Variants in GNAO1 observed in about 807,000 individuals in gnomAD.
The protein encoded by GNAO1 is guanine nucleotide-binding protein G(o) subunit alpha.
For missense variants in GNAO1, 166 were observed against 478.7 expected (o/e 0.35, Z 6.10); for synonymous variants, 164 against 180.7 (o/e 0.91, Z 0.74).
Position 56,355,020 on chromosome 16 carries a change from T to C in GNAO1, c.1032T>C (p.Ile344=), listed in dbSNP as rs2037954725. 6.2e-7 allele frequency: 1 copy of C among 1,613,446 alleles called. No individual in the cohort carries two copies. Among genetic ancestry groups the C allele is most frequent in the African/African-American group, 1.3e-5 (1 of 74,790 alleles). The change falls in exon 8 of 9, where the codon ATT becomes ATC. Residue 344 remains isoleucine, a synonymous_variant. Transcript: ENST00000262493. ...TCGACGCCGTCACCGACATCATCAT[T>C]GCCAACAACCTCCGGGGCTGCGGCT... is the stretch of plus-strand genomic sequence containing the variant. ...VVFDAVTDII[I]ANNLRGCGLY is the part of the protein sequence containing the mutation.
intron 2 of GNAO1, among the ~76,000 whole-genome samples, chr16:56,205,355 A>G (rs548349115): frequency 6.6e-6 from 1 of 152,234 alleles, no homozygotes; most frequent in Admixed American, 6.5e-5. Context: ...AGCTCCAGCC[A>G]GGGCAGACAA....
intron 3 of GNAO1, among the ~76,000 whole-genome samples, chr16:56,305,463 A>G (rs1305933980): frequency 6.6e-6 from 1 of 152,182 alleles, no homozygotes; most frequent in Non-Finnish European, 1.5e-5. Flanking sequence ...GACTGGAAAA[A>G]TAAGAAGGAG....
intron 4 of GNAO1, among the ~76,000 whole-genome samples, chr16:56,332,573 C>T (rs923912799): frequency 1.3e-5 from 2 of 152,216 alleles, no homozygotes; most frequent in East Asian, 3.8e-4. Context: ...GAACACAGGC[C>T]CTGGGAAGGT....
chr16:56,225,823 C>T (rs1165609546), intron 2 of GNAO1, among the ~76,000 whole-genome samples: 4 of 151,970 alleles, frequency 2.6e-5, no homozygotes, highest in African/African-American at 9.7e-5. Flanking sequence ...AGATCGTTGC[C>T]AGCACTGAGT....
At chr16:56,215,991 T>C (rs531847803) in intron 2 of GNAO1, among the ~76,000 whole-genome samples, 1 of 152,300 alleles carries the variant, frequency 6.6e-6, no homozygotes, top group South Asian at 2.1e-4. Context: ...GTACCTCTGC[T>C]CCCTATCTCT....
At chr16:56,223,856 A>G (rs1488723236) in intron 2 of GNAO1, among the ~76,000 whole-genome samples, 1 of 152,246 alleles carries the variant, frequency 6.6e-6, no homozygotes, top group African/African-American at 2.4e-5. Context: ...ACTGCACTGT[A>G]TTCATCTCTT....
chr16:56,223,528 C>T (rs2036509374), intron 2 of GNAO1, among the ~76,000 whole-genome samples: 1 of 152,166 alleles, frequency 6.6e-6, no homozygotes, highest in Non-Finnish European at 1.5e-5. Context: ...TGCAAAGTCC[C>T]TTTGGCCCTG....
chr16:56,344,782 T>A, intron 6 of GNAO1: 2 of 985,364 alleles, frequency 2.0e-6, no homozygotes, highest in Non-Finnish European at 2.4e-6. Context: ...GCTCGGATGG[T>A]CACTCTGAGG....
At chr16:56,241,424 A>G (rs1244876796) in intron 2 of GNAO1, among the ~76,000 whole-genome samples, 5 of 152,166 alleles carry the variant, frequency 3.3e-5, no homozygotes, top group Admixed American at 2.6e-4. Context: ...AGTGCTTCCC[A>G]TCGAGTTGAG....
chr16:56,192,512 C>G lies in GNAO1; in HGVS notation c.119-62C>G. 6 of 1,078,332 alleles carry G rather than the reference C, an allele frequency of 5.6e-6. No individual in the cohort carries two copies. In the East Asian group the frequency reaches 1.2e-4, roughly 21 times the overall value. The allele number at this position is 1,078,332 out of a possible 1,614,324, so 66.8% of individuals were successfully genotyped here. Reference sequence around the variant, plus strand: ...ACCCCCTCGCATGCCTTAGTCCCCCCCTCCCCCTGTTCCCTTAAGCTGACA... The same window carrying G: ...ACCCCCTCGCATGCCTTAGTCCCCCGCTCCCCCTGTTCCCTTAAGCTGACA... On this transcript the variant is annotated intron_variant, in intron 1 of 8. Transcript: ENST00000262493.
At chr16:56,274,310 A>G (rs1013308450) in intron 2 of GNAO1, among the ~76,000 whole-genome samples, 1 of 152,188 alleles carries the variant, frequency 6.6e-6, no homozygotes, top group African/African-American at 2.4e-5. Context: ...GGAGCTAGCA[A>G]AGATCCCTTT....
chr16:56,343,997 C>G (rs2037836732), intron 6 of GNAO1: 15 of 1,599,956 alleles, frequency 9.4e-6, no homozygotes, highest in African/African-American at 1.3e-5. Flanking sequence ...GCCTGCCGCC[C>G]CCCCTCCCCT....
At chr16:56,319,426 G>T (rs560591347) in intron 3 of GNAO1, among the ~76,000 whole-genome samples, 1 of 152,132 alleles carries the variant, frequency 6.6e-6, no homozygotes, top group Non-Finnish European at 1.5e-5. Flanking sequence ...TGGTGGGTAG[G>T]AGCTGGGTAC....
At chr16:56,271,476 CAG>C (rs1252686263) in intron 2 of GNAO1, among the ~76,000 whole-genome samples, 4 of 152,116 alleles carry the variant, frequency 2.6e-5, no homozygotes, top group Admixed American at 2.0e-4. Flanking sequence ...TTGGTTGAGA[CAG>C]AGTCTCGCTC....
intron 3 of GNAO1, among the ~76,000 whole-genome samples, chr16:56,300,036 T>TGTGTGTGTGTGTGTGTGTGCGCGCGCGC (rs753591618): frequency 1.1e-5 from 1 of 95,112 alleles, no homozygotes; most frequent in African/African-American, 4.8e-5. Flanking sequence ...TGTGTGTGTG[T>TGTGTGTGTGTGTGTGTGTGCGCGCGCGC]GCGCGCGCGC....
chr16:56,310,115 T>G (rs902470246), intron 3 of GNAO1, among the ~76,000 whole-genome samples: 3 of 151,264 alleles, frequency 2.0e-5, no homozygotes, highest in African/African-American at 7.3e-5. Flanking sequence ...AAGACCAGCG[T>G]GGGCAACATA....
intron 3 of GNAO1, among the ~76,000 whole-genome samples, chr16:56,305,464 TAAG>T (rs1200755775): frequency 2.6e-5 from 4 of 151,692 alleles, no homozygotes; most frequent in Non-Finnish European, 5.9e-5. Flanking sequence ...ACTGGAAAAA[TAAG>T]AAGGAGACAA....
At chr16:56,285,903 A>G (rs555092905) in intron 3 of GNAO1, among the ~76,000 whole-genome samples, 13 of 152,296 alleles carry the variant, frequency 8.5e-5, no homozygotes. Flanking sequence ...AAGCCCCAGA[A>G]TTGAGCCCTT....
In GNAO1 at chr16:56,326,585, G is replaced by A. The variant is rs1029730318; in HGVS notation, c.304-2046G>A. ...GGGGAGCTCATGGGTGGCCTGCCACGTTGGCTGCTGGGGCTCCATCCCATG... is the reference window on the plus strand; with the variant it reads ...GGGGAGCTCATGGGTGGCCTGCCACATTGGCTGCTGGGGCTCCATCCCATG... On this transcript the variant is annotated intron_variant, in intron 3 of 8. Transcript: ENST00000262493. This position sits in a 1 kb window ranked among gnomAD's most constrained non-coding sequence, Gnocchi z 4.8. Among the ~76,000 whole-genome samples the A allele has an allele frequency of 2.6e-5, 4 of 152,380 alleles. No individual in the cohort carries two copies. The highest frequency in any genetic ancestry group is 4.1e-4 in the South Asian group (2 of 4,834).
Sources: gnomAD v4.1 joint callset for allele counts (sites outside exome capture counted in the v4.1 genomes callset) on GRCh38, gnomAD v4.1.1 for gene constraint, Gnocchi (gnomAD v3.1) non-coding constraint, MANE v1.5 for transcripts, NCBI Gene and HGNC (gene_info 2026-07-23, HGNC 2026-07-21) for gene names.